Variants in CNTN3 observed in about 807,000 individuals in gnomAD.
CNTN3 encodes contactin 3.
Under a neutral mutation model 119.1 loss-of-function variants are expected in CNTN3, and 60 were observed. That is an observed-to-expected ratio of 0.50 (90% CI 0.41 to 0.62). The LOEUF (loss-of-function observed/expected upper bound fraction) is 0.62, where lower values mean the gene tolerates loss of function less well. Ranked by LOEUF, CNTN3 falls within the 20% of genes least tolerant of loss-of-function variation. The pLI is 0.00. For synonymous variants in CNTN3, 450 were observed against 438.7 expected (o/e 1.03, Z -0.32); for missense variants, 1,101 against 1,242.4 (o/e 0.89, Z 1.71).
intron 1 of CNTN3, among the ~76,000 whole-genome samples, chr3:74,529,042 T>C (rs1703658397): frequency 6.6e-6 from 1 of 151,900 alleles, no homozygotes; most frequent in African/African-American, 2.4e-5. Context: ...TTATAGTATA[T>C]ATATATACAG....
intron 4 of CNTN3, among the ~76,000 whole-genome samples, chr3:74,455,213 T>G (rs1702244994): frequency 6.6e-6 from 1 of 152,024 alleles, no homozygotes; most frequent in Non-Finnish European, 1.5e-5. Flanking sequence ...TTTCTATTTT[T>G]TTTTCTCTAA....
chr3:74,608,250 G>A (rs1705024762), intron 1 of CNTN3, among the ~76,000 whole-genome samples: 1 of 152,154 alleles, frequency 6.6e-6, no homozygotes, highest in Non-Finnish European at 1.5e-5. Context: ...CAGTGCAAGT[G>A]AAATAGACTA....
intron 1 of CNTN3, among the ~76,000 whole-genome samples, chr3:74,603,469 T>C (rs1485255475): frequency 6.6e-6 from 1 of 152,118 alleles, no homozygotes; most frequent in Non-Finnish European, 1.5e-5. Context: ...GGAAGAGCAA[T>C]GCTGATCCAA....
At chr3:74,277,401 A>G (rs1701903412) in intron 20 of CNTN3, among the ~76,000 whole-genome samples, 1 of 152,158 alleles carries the variant, frequency 6.6e-6, no homozygotes, top group East Asian at 1.9e-4. Flanking sequence ...CAACAACATA[A>G]CAAAAAGATA....
chr3:74,480,567 A>T (rs906951638), intron 4 of CNTN3, among the ~76,000 whole-genome samples: 9 of 152,070 alleles, frequency 5.9e-5, no homozygotes, highest in African/African-American at 2.2e-4. Context: ...ACCAAAAGAG[A>T]CAGTGAAAAT....
At chr3:74,441,486 A>C (rs1701965620) in intron 4 of CNTN3, among the ~76,000 whole-genome samples, 1 of 152,186 alleles carries the variant, frequency 6.6e-6, no homozygotes, top group Admixed American at 6.5e-5. Context: ...TGTACTTCAG[A>C]AATGCATTAC....
chr3:74,459,126 A>T (rs1702320192), intron 4 of CNTN3, among the ~76,000 whole-genome samples: 2 of 151,992 alleles, frequency 1.3e-5, no homozygotes. Flanking sequence ...TCAGTCCCTG[A>T]ATCCTCTTAT....
intron 11 of CNTN3, among the ~76,000 whole-genome samples, chr3:74,344,109 C>T (rs1575739809): frequency 6.6e-6 from 1 of 152,180 alleles, no homozygotes; most frequent in Non-Finnish European, 1.5e-5. Flanking sequence ...AGCTAGAGTT[C>T]ACAAACCCTT....
intron 1 of CNTN3, among the ~76,000 whole-genome samples, chr3:74,555,834 T>G (rs1275558321): frequency 6.6e-6 from 1 of 152,202 alleles, no homozygotes. Context: ...TAGTGGTCTA[T>G]TTTGTTGATC....
intron 1 of CNTN3, among the ~76,000 whole-genome samples, chr3:74,606,649 T>A (rs552813508): frequency 6.6e-6 from 1 of 152,116 alleles, no homozygotes. Flanking sequence ...CAAGTCATAA[T>A]ATAGAACTAT....
At chr3:74,569,417 A>G (rs550136033) in intron 1 of CNTN3, among the ~76,000 whole-genome samples, 2 of 152,158 alleles carry the variant, frequency 1.3e-5, no homozygotes, top group East Asian at 3.9e-4. Context: ...GCTATTGAGC[A>G]TTTTCAGCTC....
At chr3:74,271,171 G>A (rs1184513857) in intron 20 of CNTN3, among the ~76,000 whole-genome samples, 4 of 152,120 alleles carry the variant, frequency 2.6e-5, no homozygotes, top group South Asian at 2.1e-4. Context: ...AACTGGGAAG[G>A]TGGGAATATA....
intron 5 of CNTN3, among the ~76,000 whole-genome samples, chr3:74,388,960 C>A (rs140245243): frequency 6.6e-6 from 1 of 152,262 alleles, no homozygotes; most frequent in Non-Finnish European, 1.5e-5. Flanking sequence ...GAGATCGATA[C>A]ACGTACTCTG....
intron 1 of CNTN3, among the ~76,000 whole-genome samples, chr3:74,543,493 A>C (rs1198142327): frequency 6.6e-6 from 1 of 152,214 alleles, no homozygotes; most frequent in African/African-American, 2.4e-5. Flanking sequence ...AAAGATGAAA[A>C]TACAGATTAA....
At position 74,266,660 on chromosome 3, in the gene CNTN3, T is replaced by A; in HGVS notation, c.2818-11A>T. 2 of 1,611,748 alleles carry A rather than the reference T, an allele frequency of 1.2e-6. No individual in the cohort carries two copies. Among genetic ancestry groups the A allele is most frequent in the Non-Finnish European group, 1.7e-6 (2 of 1,178,348 alleles). On this transcript the variant is annotated splice_polypyrimidine_tract_variant and intron_variant, in intron 21 of 22. Coordinates refer to ENST00000263665, the MANE Select transcript of CNTN3 (RefSeq NM_020872.3). ...AGTCCTATAGAAAACCTAAAATGCATGAACAAATACACTTACTTGTTATAT... is the reference window on the plus strand; with the variant it reads ...AGTCCTATAGAAAACCTAAAATGCAAGAACAAATACACTTACTTGTTATAT...
intron 22 of CNTN3, 26 bp from the exon 23 acceptor site, chr3:74,264,527 T>A: frequency 6.9e-7 from 1 of 1,442,624 alleles, no homozygotes; most frequent in Non-Finnish European, 9.7e-7. Flanking sequence ...AAGAGCTCAT[T>A]AATAAGGATT....
intron 1 of CNTN3, among the ~76,000 whole-genome samples, chr3:74,598,010 A>G (rs1704842092): frequency 6.6e-6 from 1 of 152,072 alleles, no homozygotes; most frequent in South Asian, 2.1e-4. Flanking sequence ...GTAGTTCCTT[A>G]GAGTGGAAGA....
chr3:74,424,693 G>C, intron 5 of CNTN3, 152 bp downstream of exon 5: 1 of 684,622 alleles, frequency 1.5e-6, no homozygotes, highest in South Asian at 1.8e-5. Context: ...ATTTTTTGTA[G>C]TGTTCCTCAT....
intron 4 of CNTN3, among the ~76,000 whole-genome samples, chr3:74,449,542 G>A (rs908294845): frequency 6.6e-6 from 1 of 152,006 alleles, no homozygotes; most frequent in Non-Finnish European, 1.5e-5. Flanking sequence ...TTAGGGAAGG[G>A]GTTTTGGATC....
Sources: gnomAD v4.1 joint callset for allele counts (sites outside exome capture counted in the v4.1 genomes callset) on GRCh38, gnomAD v4.1.1 for gene constraint, MANE v1.5 for transcripts, NCBI Gene and HGNC (gene_info 2026-07-23, HGNC 2026-07-21) for gene names.